Variants in SBF2 observed in about 807,000 individuals in gnomAD.
SBF2 encodes SET binding factor 2.
In SBF2, 112 loss-of-function variants were observed where a neutral mutation model predicts 225.2. That is an observed-to-expected ratio of 0.50 (90% CI 0.43 to 0.58). The LOEUF (loss-of-function observed/expected upper bound fraction) is 0.58. Ranked by LOEUF, SBF2 falls within the 20% of genes least tolerant of loss-of-function variation. SBF2 has a pLI of 0.00. For missense variants in SBF2, 1,996 were observed against 2,206.2 expected (o/e 0.90, Z 1.91); for synonymous variants, 763 against 773.3 (o/e 0.99, Z 0.22).
chr11:9,947,883 C>T (rs1435089643), intron 16 of SBF2, among the ~76,000 whole-genome samples: 1 of 151,968 alleles, frequency 6.6e-6, no homozygotes, highest in Non-Finnish European at 1.5e-5. Context: ...AACAGTTCCT[C>T]AAAAAATTAA....
intron 2 of SBF2, among the ~76,000 whole-genome samples, chr11:10,083,998 A>G (rs1046868633): frequency 4.6e-5 from 7 of 152,134 alleles, no homozygotes; most frequent in Non-Finnish European, 1.0e-4. Flanking sequence ...AAATAAACAA[A>G]TGTGAATTAA....
At chr11:9,841,409 C>T (rs900241821) in intron 25 of SBF2, among the ~76,000 whole-genome samples, 1 of 152,052 alleles carries the variant, frequency 6.6e-6, no homozygotes, top group Non-Finnish European at 1.5e-5. Flanking sequence ...ATCAGGGTTC[C>T]AACAAATGGG....
At chr11:9,902,173 G>A (rs889757146) in intron 16 of SBF2, among the ~76,000 whole-genome samples, 7 of 152,288 alleles carry the variant, frequency 4.6e-5, no homozygotes, top group African/African-American at 1.7e-4. Context: ...TTAGCTGGGA[G>A]TCTGACACTT....
intron 13 of SBF2, among the ~76,000 whole-genome samples, chr11:9,988,909 C>A (rs151117955): frequency 3.9e-5 from 6 of 152,108 alleles, no homozygotes; most frequent in African/African-American, 1.4e-4. Flanking sequence ...GGGGTTTCAC[C>A]CAGAGGAAAA....
In SBF2 at chr11:9,781,635, G is replaced by A. The variant is rs938347502; in HGVS notation, c.5323C>T (p.Arg1775Cys). The A allele has an allele frequency of 4.3e-6, 7 of 1,613,998 alleles. No individual in the cohort carries two copies. The highest frequency in any genetic ancestry group is 5.1e-6 in the Non-Finnish European group (6 of 1,180,018). ...FVLDVTKHQL[R>C]YYDSGEDTSC... ...GTGTCCTCACCTGAGTCATAGTAGCGCAGCTGGAACCAAAAGGATACAAGT... is the reference window on the plus strand; with the variant it reads ...GTGTCCTCACCTGAGTCATAGTAGCACAGCTGGAACCAAAAGGATACAAGT... The change falls in exon 39 of 40, where the codon CGC (arginine) becomes TGC (cysteine). Residue 1775 changes from arginine (R) to cysteine (C), a missense_variant. Physicochemically the swap from Arg to Cys is radical, Grantham distance 180 (BLOSUM62 -3). Transcript: ENST00000256190.
In SBF2 at chr11:10,012,784, C is replaced by CT. The variant is rs896216628; in HGVS notation, c.620-10096dup. On this transcript the variant is annotated intron_variant, in intron 6 of 39. Coordinates refer to ENST00000256190, the MANE Select transcript of SBF2 (RefSeq NM_030962.4). ...TTGAATTATATTTTTTTCCTGAAAG[C>CT]TTTTTTTTTTCTTTGAGAGGGTGCT... Among the ~76,000 whole-genome samples, 99 of 149,030 alleles carry CT rather than the reference C, an allele frequency of 6.6e-4. 1 individual carries two copies. Among genetic ancestry groups the CT allele is most frequent in the Admixed American group, 1.1e-3 (16 of 14,902 alleles).
chr11:9,978,917 G>A (rs1244708284), intron 13 of SBF2, among the ~76,000 whole-genome samples: 1 of 152,110 alleles, frequency 6.6e-6, no homozygotes, highest in Non-Finnish European at 1.5e-5. Context: ...GAGGATTGCT[G>A]GAGCCCAGGA....
At chr11:9,848,639 T>C (rs1590215459) in intron 22 of SBF2, among the ~76,000 whole-genome samples, 1 of 152,286 alleles carries the variant, frequency 6.6e-6, no homozygotes, top group South Asian at 2.1e-4. Context: ...TGTGTGTTTA[T>C]GGCCATTAAC....
chr11:10,096,526 A>G (rs1421816979), intron 2 of SBF2, among the ~76,000 whole-genome samples: 1 of 151,862 alleles, frequency 6.6e-6, no homozygotes, highest in South Asian at 2.1e-4. Flanking sequence ...CTTGCTGTCC[A>G]TTACACAAGG....
At chr11:10,061,273 C>T (rs1314409973) in intron 2 of SBF2, among the ~76,000 whole-genome samples, 7 of 152,002 alleles carry the variant, frequency 4.6e-5, no homozygotes, top group African/African-American at 1.7e-4. Flanking sequence ...TCTGGAAGCA[C>T]TCCCCTTGAA....
chr11:10,134,375 C>A (rs1037287931), intron 2 of SBF2, among the ~76,000 whole-genome samples: 1 of 152,132 alleles, frequency 6.6e-6, no homozygotes, highest in East Asian at 1.9e-4. Context: ...TGGCCCCCCC[C>A]AAACCTCATG....
chr11:10,069,233 A>G (rs2134795693), intron 2 of SBF2, among the ~76,000 whole-genome samples: 1 of 152,262 alleles, frequency 6.6e-6, no homozygotes, highest in East Asian at 1.9e-4. Flanking sequence ...TTACATAGGT[A>G]TACATGTGCC....
At chr11:10,099,288 G>A (rs527865246) in intron 2 of SBF2, among the ~76,000 whole-genome samples, 32 of 152,046 alleles carry the variant, frequency 2.1e-4, no homozygotes, top group African/African-American at 6.3e-4. Flanking sequence ...AAAATGTTAC[G>A]GACCAGAAGA....
chr11:10,071,854 T>C (rs1056981983), intron 2 of SBF2, among the ~76,000 whole-genome samples: 1 of 152,184 alleles, frequency 6.6e-6, no homozygotes, highest in Admixed American at 6.5e-5. Flanking sequence ...GCTGACTTGA[T>C]CATGGTGGAT....
intron 16 of SBF2, among the ~76,000 whole-genome samples, chr11:9,937,250 G>A (rs1180772869): frequency 6.6e-6 from 1 of 151,956 alleles, no homozygotes; most frequent in African/African-American, 2.4e-5. Context: ...TGAAGACTGG[G>A]GTCAAAGGGA....
chr11:10,123,361 G>A (rs537197586), intron 2 of SBF2, among the ~76,000 whole-genome samples: 5 of 152,172 alleles, frequency 3.3e-5, no homozygotes, highest in African/African-American at 1.2e-4. Flanking sequence ...TTGAGGTACT[G>A]TATACTCTAA....
intron 13 of SBF2, among the ~76,000 whole-genome samples, chr11:9,976,970 C>T (rs1946721964): frequency 6.6e-6 from 1 of 151,888 alleles, no homozygotes; most frequent in African/African-American, 2.4e-5. Context: ...CGGGGTTTCA[C>T]CGTGGTCTCG....
intron 6 of SBF2, among the ~76,000 whole-genome samples, chr11:10,005,701 A>G (rs1948159431): frequency 6.6e-6 from 1 of 152,080 alleles, no homozygotes; most frequent in Admixed American, 6.5e-5. Context: ...TACATTCCCT[A>G]ATGTTAACAT....
At chr11:10,253,992 T>C (rs182542827) in intron 1 of SBF2, among the ~76,000 whole-genome samples, 1 of 152,098 alleles carries the variant, frequency 6.6e-6, no homozygotes, top group Non-Finnish European at 1.5e-5. Context: ...AAATAGCAAG[T>C]GTTGGTGAGG....
Sources: allele counts gnomAD v4.1 joint callset (sites outside exome capture counted in the v4.1 genomes callset), GRCh38; gene constraint gnomAD v4.1.1; transcripts MANE v1.5; gene names NCBI Gene and HGNC (gene_info 2026-07-23, HGNC 2026-07-21).